PLCG2: variants seen among roughly 807,000 people sequenced by gnomAD.
PLCG2 encodes phospholipase C gamma 2, also known as 1-phosphatidylinositol 4,5-bisphosphate phosphodiesterase gamma-2.
A neutral mutation model predicts 175.6 loss-of-function variants in PLCG2; 69 were observed. That is an observed-to-expected ratio of 0.39 (90% CI 0.32 to 0.48). PLCG2 has a LOEUF of 0.48. PLCG2 is among the 20% of genes least tolerant of loss of function. The probability of loss-of-function intolerance (pLI) is 0.91; values close to 1 mark genes in which losing one functional copy is unlikely to be tolerated. For synonymous variants in PLCG2, 827 were observed against 624.0 expected, an observed-to-expected ratio of 1.33 and a Z score of -4.85; for missense variants, 1,798 against 1,650.9, an observed-to-expected ratio of 1.09 and a Z score of -1.54.
At chr16:81,878,461 T>A (rs1442502043) in intron 7 of PLCG2, among the ~76,000 whole-genome samples, 1 of 152,172 alleles carries the variant, frequency 6.6e-6, no homozygotes, top group African/African-American at 2.4e-5. Context: ...CTATACATAA[T>A]ACTAGCTATA....
intron 22 of PLCG2, among the ~76,000 whole-genome samples, chr16:81,925,356 G>T (rs1007972059): frequency 1.3e-5 from 2 of 152,174 alleles, no homozygotes; most frequent in African/African-American, 4.8e-5. Context: ...TCCTGAGAGT[G>T]AAGAGAATGT....
intron 7 of PLCG2, among the ~76,000 whole-genome samples, chr16:81,874,953 T>TTTTTTTTTTTGTTC (rs1567510312): frequency 5.7e-5 from 7 of 122,948 alleles, no homozygotes; most frequent in South Asian, 2.6e-4. Context: ...TATGTGTTTT[T>TTTTTTTTTTTGTTC]TTTTTTTTTT....
intron 31 of PLCG2, among the ~76,000 whole-genome samples, chr16:81,953,116 A>G (rs1911433518): frequency 6.6e-6 from 1 of 152,216 alleles, no homozygotes; most frequent in African/African-American, 2.4e-5. Context: ...ATTCATACAA[A>G]ATAACTGACT....
chr16:81,752,053 G>T (rs1217186616), intron 1 of PLCG2, among the ~76,000 whole-genome samples: 1 of 151,088 alleles, frequency 6.6e-6, no homozygotes, highest in Non-Finnish European at 1.5e-5. Context: ...TATAATATAT[G>T]TATATAATAT....
chr16:81,878,403 T>G (rs1907919159), intron 7 of PLCG2, among the ~76,000 whole-genome samples: 1 of 152,166 alleles, frequency 6.6e-6, no homozygotes, highest in Admixed American at 6.5e-5. Flanking sequence ...GTCATGCCCA[T>G]GGGTACTGGG....
rs571518043 is a variant in PLCG2 at position 81,781,851 on chromosome 16, C to A, written c.-48+2427C>A. 7.9e-5 allele frequency among the ~76,000 whole-genome samples: 11 copies of A among 139,694 alleles called. 1 individual carries two copies. Among genetic ancestry groups the A allele is most frequent in the Non-Finnish European group, 1.7e-4 (11 of 65,968 alleles). The allele number at this position is 139,694 out of a possible 152,430, so 91.6% of individuals were successfully genotyped here. A position where few individuals can be genotyped will look rare whatever the true frequency, so the allele number is the denominator to read the frequency against. On this transcript the variant is annotated intron_variant, in intron 1 of 32. Coordinates refer to ENST00000564138, the MANE Select transcript of PLCG2 (RefSeq NM_002661.5). ...TTTCTGGTTTTGGGTCCTCGCATCT[C>A]ATTTCATGTCCTTTCCCCCCCCCCC...
At chr16:81,763,644 T>G (rs868592460) in intron 2 of PLCG2, among the ~76,000 whole-genome samples, 6 of 152,324 alleles carry the variant, frequency 3.9e-5, no homozygotes, top group Middle Eastern at 6.8e-3. Flanking sequence ...TTGTCCCTTT[T>G]ACTACATTCT....
chr16:81,877,972 A>ACT (rs1907888702), intron 7 of PLCG2, among the ~76,000 whole-genome samples: 1 of 35,314 alleles, frequency 2.8e-5, no homozygotes, highest in African/African-American at 1.1e-4. Context: ...TTTTTTTTTT[A>ACT]ATTTTTTTTT....
chr16:81,935,169 C>T (rs1137750), intron 26 of PLCG2, among the ~76,000 whole-genome samples: 4,429 of 152,228 alleles, frequency 0.029, 216 homozygotes, highest in African/African-American at 0.1. Context: ...CATCAGGGTG[C>T]CAGCAGGGCT....
chr16:81,783,019 G>T (rs969781985), intron 1 of PLCG2: 8 of 431,122 alleles, frequency 1.9e-5, no homozygotes, highest in Admixed American at 8.0e-5. Flanking sequence ...GATCCACTGG[G>T]CTTCGAAGCT....
intron 2 of PLCG2, among the ~76,000 whole-genome samples, chr16:81,834,270 G>T (rs1470573799): frequency 6.6e-6 from 1 of 152,180 alleles, no homozygotes; most frequent in Non-Finnish European, 1.5e-5. Context: ...GACCTGGTTT[G>T]TTCTCTGTCC....
Position 81,959,519 on chromosome 16 carries a change from T to C in PLCG2, c.*1521T>C, listed in dbSNP as rs970935797. 9.5e-6 allele frequency: 2 copies of C among 209,834 alleles called. No homozygotes were observed. Among genetic ancestry groups the C allele is most frequent in the African/African-American group, 4.5e-5 (2 of 44,048 alleles). 13.0% of individuals were successfully genotyped at this position (209,834 alleles called of 1,614,324 possible). On this transcript the variant is annotated 3_prime_UTR_variant, in exon 33 of 33. Coordinates refer to ENST00000564138, the MANE Select transcript of PLCG2 (RefSeq NM_002661.5). The stretch of plus-strand genomic sequence containing the variant: ...CCACAAGCTCCTAAAAGAAAGCCAT[T>C]TACCTCGCTTGAAGCCAGGAACACA...
chr16:81,893,747 C>A lies in PLCG2; in HGVS notation c.1025C>A (p.Pro342Gln). 2 of 1,613,000 alleles carry A rather than the reference C, an allele frequency of 1.2e-6. No individual in the cohort carries two copies. Among genetic ancestry groups the A allele is most frequent in the Non-Finnish European group, 1.7e-6 (2 of 1,179,704 alleles). The change falls in exon 12 of 33, where the codon CCA becomes CAA. Residue 342 changes from proline (P) to glutamine (Q), a missense_variant. Transcript: ENST00000564138. The stretch of plus-strand genomic sequence containing the variant: ...GACCAGCTGCGGAGCGAGTCGTCCC[C>A]AGAAGCTTACATCCGCTGCCTGCGC... ...TGDQLRSESS[P>Q]EAYIRCLRMG... is the part of the protein sequence containing the mutation.
intron 2 of PLCG2, among the ~76,000 whole-genome samples, chr16:81,805,630 C>G (rs868518611): frequency 2.0e-5 from 3 of 151,974 alleles, no homozygotes; most frequent in Non-Finnish European, 2.9e-5. Context: ...ACCCCCTTCC[C>G]CCACCCCACT....
At chr16:81,888,461 A>G (rs1017485378) in intron 9 of PLCG2, among the ~76,000 whole-genome samples, 1 of 152,238 alleles carries the variant, frequency 6.6e-6, no homozygotes, top group Non-Finnish European at 1.5e-5. Context: ...TCCTGAGCTC[A>G]GGCAGTCCAC....
At chr16:81,787,775 C>A (rs1911048521) in intron 2 of PLCG2, among the ~76,000 whole-genome samples, 1 of 152,126 alleles carries the variant, frequency 6.6e-6, no homozygotes, top group Admixed American at 6.5e-5. Flanking sequence ...AAATTTAATT[C>A]TGTTTCTATA....
chr16:81,796,367 A>G (rs1018090543), intron 2 of PLCG2, among the ~76,000 whole-genome samples: 1 of 152,230 alleles, frequency 6.6e-6, no homozygotes, highest in African/African-American at 2.4e-5. Context: ...CCTATGGGCC[A>G]TGCCTTTTAA....
intron 11 of PLCG2, among the ~76,000 whole-genome samples, chr16:81,892,133 C>T (rs901473654): frequency 1.3e-5 from 2 of 152,184 alleles, no homozygotes; most frequent in Non-Finnish European, 2.9e-5. Context: ...CAGCATGTGC[C>T]AAGGCCCTGG....
At chr16:81,842,106 G>C (rs1339715303) in intron 2 of PLCG2, among the ~76,000 whole-genome samples, 3 of 152,226 alleles carry the variant, frequency 2.0e-5, no homozygotes, top group Non-Finnish European at 4.4e-5. Context: ...AAAGAGAAGG[G>C]ATGCAACGTG....
Sources: allele counts gnomAD v4.1 joint callset (sites outside exome capture counted in the v4.1 genomes callset), GRCh38; gene constraint gnomAD v4.1.1; transcripts MANE v1.5; gene names NCBI Gene and HGNC (gene_info 2026-07-23, HGNC 2026-07-21).